FIBCD1: variants seen among roughly 807,000 people sequenced by gnomAD.
The protein encoded by FIBCD1 is fibrinogen C domain-containing protein 1.
In FIBCD1, 47 loss-of-function variants were observed where a neutral mutation model predicts 45.1. The ratio of observed to expected loss-of-function variants is 1.04; its 90% CI spans 0.82 to 1.33. The LOEUF (loss-of-function observed/expected upper bound fraction) is 1.33, where lower values mean the gene tolerates loss of function less well. Ranked by LOEUF, FIBCD1 falls within the 40% of genes most tolerant of loss-of-function variation. FIBCD1 has a pLI of 0.00. For synonymous variants in FIBCD1, 313 were observed against 308.1 expected (o/e 1.02, Z -0.17); for missense variants, 653 against 682.2 (o/e 0.96, Z 0.48).
chr9:130,911,623 C>T (rs1161036717), intron 5 of FIBCD1, among the ~76,000 whole-genome samples, 169 bp downstream of exon 5: 2 of 152,246 alleles, frequency 1.3e-5, no homozygotes, highest in African/African-American at 2.4e-5. Context: ...TGGCCTCATT[C>T]CTTCTGAATG....
chr9:130,930,434 A>G (rs376091886), intron 1 of FIBCD1, among the ~76,000 whole-genome samples: 151 of 63,112 alleles, frequency 2.4e-3, no homozygotes, highest in Non-Finnish European at 4.5e-3. Context: ...ACGGGGAGAC[A>G]TGGGGAGATG....
rs1412040590 is a variant in FIBCD1, at chr9:130,902,691, G to C, written c.*1373C>G. On this transcript the variant is annotated 3_prime_UTR_variant, in exon 7 of 7. Coordinates refer to ENST00000372338, the MANE Select transcript of FIBCD1 (RefSeq NM_032843.5). Reference sequence around the variant, plus strand: ...CAAGGCTGACTCCAGCCCTTTCGGAGGCCCCCCATCAGGAGGCCTTGGAAA... The same window carrying C: ...CAAGGCTGACTCCAGCCCTTTCGGACGCCCCCCATCAGGAGGCCTTGGAAA... 1 of 136,288 alleles carries C rather than the reference G, an allele frequency of 7.3e-6. No individual in the cohort carries two copies. Among genetic ancestry groups the C allele is most frequent in the Non-Finnish European group, 1.6e-5 (1 of 61,440 alleles). 8.4% of individuals were successfully genotyped at this position (136,288 alleles called of 1,614,324 possible). A position where few individuals can be genotyped will look rare whatever the true frequency, so the allele number is the denominator to read the frequency against.
At position 130,926,552 on chromosome 9, in the gene FIBCD1, G is replaced by C. The variant is rs1180414641; in HGVS notation, c.553-2156C>G. 6.6e-6 allele frequency among the ~76,000 whole-genome samples: 1 copy of C among 152,216 alleles called. No homozygotes were observed. The highest frequency in any genetic ancestry group is 1.5e-5 in the Non-Finnish European group (1 of 68,048). On this transcript the variant is annotated intron_variant, in intron 2 of 6. Coordinates refer to ENST00000372338, the MANE Select transcript of FIBCD1 (RefSeq NM_032843.5). This position sits in a 1 kb window ranked among gnomAD's most constrained non-coding sequence, Gnocchi z 4.1. ...TGGGATAACAAGGCCGGGTGTGGTG[G>C]CTCACGCCTGTAATCCCAGCACTTT...
At chr9:130,921,621 G>T (rs75268507) in intron 4 of FIBCD1, among the ~76,000 whole-genome samples, 2,871 of 152,258 alleles carry the variant, frequency 0.019, 94 homozygotes, top group South Asian at 0.062. Flanking sequence ...CTTCCCGGGA[G>T]ATTGGCTTCA....
Position 130,926,190 on chromosome 9 carries a change from G to T in FIBCD1, c.553-1794C>A, listed in dbSNP as rs979376662. Among the ~76,000 whole-genome samples the T allele has an allele frequency of 6.0e-4, 91 of 152,214 alleles. 2 individuals are homozygous for T. The highest frequency in any genetic ancestry group is 4.8e-3 in the Admixed American group (73 of 15,280). On this transcript the variant is annotated intron_variant, in intron 2 of 6. Transcript: ENST00000372338. The surrounding 1 kb of genome is among the most constrained non-coding windows in gnomAD (Gnocchi z 4.1). The stretch of plus-strand genomic sequence containing the variant: ...GATGTGTGTGCGGCAAACATCACTT[G>T]GTTAAGTCACACTGGTACTGCCCAT...
Position 130,903,602 on chromosome 9 carries a change from G to A in FIBCD1, c.*462C>T, listed in dbSNP as rs1831872188. ...GGCATTGGGAGGGCTGGAGGATACT[G>A]GCCTCAGACCTGACCTCAGAGAGAC... is the stretch of plus-strand genomic sequence containing the variant. On this transcript the variant is annotated 3_prime_UTR_variant, in exon 7 of 7. Transcript: ENST00000372338. The A allele has an allele frequency of 4.3e-6, 1 of 235,030 alleles. No homozygotes were observed. The highest frequency in any genetic ancestry group is 8.5e-6 in the Non-Finnish European group (1 of 117,934). 14.6% of individuals were successfully genotyped at this position (235,030 alleles called of 1,614,324 possible).
intron 4 of FIBCD1, among the ~76,000 whole-genome samples, chr9:130,912,378 C>T (rs559945110): frequency 7.0e-6 from 1 of 142,224 alleles, no homozygotes; most frequent in East Asian, 2.0e-4. Flanking sequence ...TGTACTCCAG[C>T]CTGGGCTCTC....
At chr9:130,915,193 T>C (rs1832136945) in intron 4 of FIBCD1, among the ~76,000 whole-genome samples, 1 of 152,156 alleles carries the variant, frequency 6.6e-6, no homozygotes. Context: ...AGCTGGTCCC[T>C]GCACCCACAG....
At position 130,939,013 on chromosome 9, in the gene FIBCD1, G is replaced by C. The variant is rs890974018; in HGVS notation, c.-406C>G. ...CCCCGACACACTCACACACACGCGCGCGCTCACACCCGCGGACTTGGATAC... is the reference window on the plus strand; with the variant it reads ...CCCCGACACACTCACACACACGCGCCCGCTCACACCCGCGGACTTGGATAC... On this transcript the variant is annotated 5_prime_UTR_variant, in exon 1 of 7. Coordinates refer to ENST00000372338, the MANE Select transcript of FIBCD1 (RefSeq NM_032843.5). 6.6e-6 allele frequency: 1 copy of C among 151,850 alleles called. No homozygotes were observed. Among genetic ancestry groups the C allele is most frequent in the Non-Finnish European group, 1.5e-5 (1 of 67,988 alleles). 9.4% of individuals were successfully genotyped at this position (151,850 alleles called of 1,614,324 possible).
intron 1 of FIBCD1, among the ~76,000 whole-genome samples, chr9:130,934,559 G>C (rs1832490826): frequency 1.3e-5 from 2 of 152,174 alleles, no homozygotes; most frequent in African/African-American, 4.8e-5. Flanking sequence ...CACTTCCTGG[G>C]AGCATTTGCT....
chr9:130,923,598 C>T, intron 4 of FIBCD1, 146 bp downstream of exon 4: 1 of 1,288,014 alleles, frequency 7.8e-7, no homozygotes, highest in East Asian at 2.5e-5. Context: ...GGGGTCAGGC[C>T]AGGCAGAAGG....
chr9:130,913,871 G>A (rs1832110281), intron 4 of FIBCD1, among the ~76,000 whole-genome samples: 1 of 152,182 alleles, frequency 6.6e-6, no homozygotes, highest in South Asian at 2.1e-4. Flanking sequence ...CGTCGGCTGG[G>A]CCTCTGCCCT....
intron 5 of FIBCD1, 22 bp downstream of exon 5, chr9:130,911,770 G>A (rs377304322): frequency 3.4e-5 from 53 of 1,580,130 alleles, no homozygotes; most frequent in South Asian, 8.1e-5. Context: ...CACCTGGGCC[G>A]GATGGTGGGT....
intron 4 of FIBCD1, among the ~76,000 whole-genome samples, chr9:130,917,506 G>A (rs146671373): frequency 6.6e-6 from 1 of 152,226 alleles, no homozygotes. Context: ...AGCAGCCACC[G>A]ACGGCCCTGT....
At chr9:130,909,466 T>A (rs1191110605) in intron 5 of FIBCD1, among the ~76,000 whole-genome samples, 2 of 152,220 alleles carry the variant, frequency 1.3e-5, no homozygotes, top group Non-Finnish European at 2.9e-5. Context: ...GTACAGGGTT[T>A]CCTTCTGGAG....
At chr9:130,908,748 G>A (rs182588664) in intron 5 of FIBCD1, among the ~76,000 whole-genome samples, 117 of 152,286 alleles carry the variant, frequency 7.7e-4, no homozygotes, top group African/African-American at 2.7e-3. Context: ...GGTCAGCACG[G>A]GGTGTGGGCA....
At position 130,926,754 on chromosome 9, in the gene FIBCD1, G is replaced by A. The variant is rs1188549724; in HGVS notation, c.553-2358C>T. Among the ~76,000 whole-genome samples, 3 of 152,042 alleles carry A rather than the reference G, an allele frequency of 2.0e-5. No homozygotes were observed. The highest frequency in any genetic ancestry group is 4.4e-5 in the Non-Finnish European group (3 of 68,016). ...GGAGAATCGCTTGAACCTGGGAGGC[G>A]GAGGTTGCAGTGAGCCGAGATTGAA... On this transcript the variant is annotated intron_variant, in intron 2 of 6. Transcript: ENST00000372338. This position sits in a 1 kb window ranked among gnomAD's most constrained non-coding sequence, Gnocchi z 4.1.
At chr9:130,933,269 C>G (rs10793973) in intron 1 of FIBCD1, among the ~76,000 whole-genome samples, 72,104 of 152,116 alleles carry the variant, frequency 0.47, 18,227 homozygotes, top group Non-Finnish European at 0.56. Context: ...CCCGAGATAA[C>G]AAGGGGGGCT....
chr9:130,911,093 T>G (rs1284454833), intron 5 of FIBCD1, among the ~76,000 whole-genome samples: 2 of 152,172 alleles, frequency 1.3e-5, no homozygotes, highest in Non-Finnish European at 2.9e-5. Flanking sequence ...TCAGGTTCCC[T>G]CCTGCGCTGT....
Sources: allele counts gnomAD v4.1 joint callset (sites outside exome capture counted in the v4.1 genomes callset), GRCh38; gene constraint gnomAD v4.1.1; non-coding constraint Gnocchi (gnomAD v3.1); transcripts MANE v1.5; gene names NCBI Gene and HGNC (gene_info 2026-07-23, HGNC 2026-07-21).